SUGCT: variants seen among roughly 807,000 people sequenced by gnomAD.
The protein encoded by SUGCT is succinyl-CoA:glutarate CoA-transferase.
SUGCT carries 41 observed loss-of-function variants against 55.0 expected under a neutral mutation model. That is an observed-to-expected ratio of 0.74 (90% confidence interval 0.58 to 0.97). SUGCT has a LOEUF of 0.97. SUGCT is among the 50% of genes least tolerant of loss of function. The probability of loss-of-function intolerance (pLI) is 0.00; values close to 1 mark genes in which losing one functional copy is unlikely to be tolerated. For synonymous variants in SUGCT, 187 were observed against 200.4 expected (o/e 0.93, Z 0.56); for missense variants, 568 against 547.8 (o/e 1.04, Z -0.37).
intron 9 of SUGCT, among the ~76,000 whole-genome samples, chr7:40,435,808 G>A (rs868804191): frequency 1.3e-5 from 2 of 152,032 alleles, no homozygotes; most frequent in Middle Eastern, 6.8e-3. Context: ...TCATATCTGG[G>A]ATCCTGCAGC....
chr7:40,370,254 A>G (rs1398068836), intron 9 of SUGCT, among the ~76,000 whole-genome samples: 1 of 152,148 alleles, frequency 6.6e-6, no homozygotes, highest in Non-Finnish European at 1.5e-5. Flanking sequence ...ATAGGCAAAA[A>G]AGAAGGAAGA....
At chr7:40,316,556 A>G (rs538013492) in intron 8 of SUGCT, among the ~76,000 whole-genome samples, 1 of 152,230 alleles carries the variant, frequency 6.6e-6, no homozygotes, top group East Asian at 1.9e-4. Flanking sequence ...TCAATTGACT[A>G]TTACTTAGTC....
At chr7:40,603,513 A>G (rs186490624) in intron 12 of SUGCT, among the ~76,000 whole-genome samples, 5 of 152,330 alleles carry the variant, frequency 3.3e-5, no homozygotes, top group African/African-American at 1.2e-4. Context: ...AAGTTCCTGT[A>G]TAATGAATAA....
At chr7:40,267,393 A>G (rs1340426670) in intron 7 of SUGCT, among the ~76,000 whole-genome samples, 1 of 152,248 alleles carries the variant, frequency 6.6e-6, no homozygotes, top group Non-Finnish European at 1.5e-5. Flanking sequence ...TAATAAAATA[A>G]AATATTACTT....
chr7:40,144,808 C>A (rs1231091008), intron 1 of SUGCT, among the ~76,000 whole-genome samples: 1 of 152,066 alleles, frequency 6.6e-6, no homozygotes, highest in Non-Finnish European at 1.5e-5. Flanking sequence ...CCAAAGAAAG[C>A]CAAATACCAT....
intron 9 of SUGCT, among the ~76,000 whole-genome samples, chr7:40,426,064 A>G (rs1787572726): frequency 6.6e-6 from 1 of 152,182 alleles, no homozygotes; most frequent in Non-Finnish European, 1.5e-5. Context: ...CTACCACTAT[A>G]ATTCCAGGTG....
rs67372014 is a variant in SUGCT at position 40,250,828 on chromosome 7, C to CTT, written c.576+13127_576+13128dup. Among the ~76,000 whole-genome samples the CTT allele has an allele frequency of 6.2e-4, 75 of 121,220 alleles. 4 individuals are homozygous for CTT. Among genetic ancestry groups the CTT allele is most frequent in the African/African-American group, 2.4e-3 (65 of 27,406 alleles). 79.5% of individuals were successfully genotyped at this position (121,220 alleles called of 152,430 possible). ...AAGATGTTGAAGTCATTTCACGCTT[C>CTT]TTTTTTTTTTTTTTTTTTTTTTTTT... On this transcript the variant is annotated intron_variant, in intron 7 of 13. Coordinates refer to ENST00000335693, the MANE Select transcript of SUGCT (RefSeq NM_001193313.2).
chr7:40,560,051 A>G (rs1376138302), intron 12 of SUGCT, among the ~76,000 whole-genome samples: 1 of 152,198 alleles, frequency 6.6e-6, no homozygotes, highest in Non-Finnish European at 1.5e-5. Flanking sequence ...GTAGTTTGCT[A>G]TGAATTATCC....
At chr7:40,902,281 T>G in the SUGCT span, among the ~76,000 whole-genome samples, 1 of 151,910 alleles carries the variant, frequency 6.6e-6, no homozygotes, top group Non-Finnish European at 1.5e-5. Context: ...ATTTTTCAAT[T>G]AAAAAAATCA....
intron 8 of SUGCT, among the ~76,000 whole-genome samples, chr7:40,279,022 TG>T (rs11390733): frequency 1.4e-5 from 2 of 146,948 alleles, no homozygotes; most frequent in African/African-American, 5.0e-5. Context: ...TTTTTAGAGA[TG>T]GGGGGGTCTG....
chr7:40,586,580 G>A lies in SUGCT; in HGVS notation c.1089+90194G>A, dbSNP rs572932623. ...AGGAATATAGTAAAAGCTCTGAGGT[G>A]ATTGACAGTGTTAAATTTGGGATTA... On this transcript the variant is annotated intron_variant, in intron 12 of 13. Transcript: ENST00000335693. Among the ~76,000 whole-genome samples the A allele has an allele frequency of 2.2e-4, 34 of 151,946 alleles. No individual in the cohort carries two copies. The East Asian group carries it at 6.6e-3, about 29-fold the overall frequency.
the SUGCT span, among the ~76,000 whole-genome samples, chr7:40,876,444 G>C: frequency 6.6e-6 from 1 of 152,088 alleles, no homozygotes; most frequent in African/African-American, 2.4e-5. Context: ...TCCCTGGAAA[G>C]AACAGAAGGA....
At chr7:40,334,342 G>A (rs1796550716) in intron 9 of SUGCT, among the ~76,000 whole-genome samples, 1 of 152,132 alleles carries the variant, frequency 6.6e-6, no homozygotes, top group Non-Finnish European at 1.5e-5. Flanking sequence ...TTCCACAATG[G>A]TTGAACTAGT....
chr7:40,219,750 T>G (rs144316645), intron 6 of SUGCT, among the ~76,000 whole-genome samples: 1 of 152,122 alleles, frequency 6.6e-6, no homozygotes, highest in South Asian at 2.1e-4. Context: ...AAAAAACTTC[T>G]TATCACCAAA....
intron 12 of SUGCT, among the ~76,000 whole-genome samples, chr7:40,738,836 G>C (rs1787313582): frequency 1.3e-5 from 2 of 152,260 alleles, no homozygotes; most frequent in Admixed American, 1.3e-4. Context: ...TCTATAACTT[G>C]ATAAAGTATG....
At chr7:41,035,849 GA>G in the SUGCT span, among the ~76,000 whole-genome samples, 10 of 152,206 alleles carry the variant, frequency 6.6e-5, no homozygotes, top group South Asian at 4.2e-4. Context: ...CACCTCACAG[GA>G]ACCCCCAGCC....
At chr7:40,967,745 C>G in the SUGCT span, among the ~76,000 whole-genome samples, 3 of 152,054 alleles carry the variant, frequency 2.0e-5, no homozygotes, top group Non-Finnish European at 4.4e-5. Flanking sequence ...CTCAGCCTCC[C>G]GAGTAGCTGG....
intron 12 of SUGCT, among the ~76,000 whole-genome samples, chr7:40,659,761 C>T (rs1801211708): frequency 6.6e-6 from 1 of 152,214 alleles, no homozygotes; most frequent in African/African-American, 2.4e-5. Context: ...CAGTGACTCA[C>T]TGAGAGCCCT....
intron 6 of SUGCT, among the ~76,000 whole-genome samples, chr7:40,221,395 C>G (rs1788012328): frequency 7.1e-6 from 1 of 139,940 alleles, no homozygotes; most frequent in East Asian, 2.1e-4. Context: ...GCTTGGGTGA[C>G]AGAGCGAGAC....
Sources: allele counts gnomAD v4.1 joint callset (sites outside exome capture counted in the v4.1 genomes callset), GRCh38; gene constraint gnomAD v4.1.1; transcripts MANE v1.5; gene names NCBI Gene and HGNC (gene_info 2026-07-23, HGNC 2026-07-21).